GALNTL6: variants seen among roughly 807,000 people sequenced by gnomAD.
The protein encoded by GALNTL6 is polypeptide N-acetylgalactosaminyltransferase like 6.
In GALNTL6, 46 loss-of-function variants were observed where a neutral mutation model predicts 73.7. The ratio of observed to expected loss-of-function variants is 0.62; its 90% CI spans 0.49 to 0.80. GALNTL6 has a LOEUF of 0.80. Among genes scored for constraint, GALNTL6 ranks in the 30% least tolerant of loss-of-function variants. GALNTL6 has a pLI of 0.00. For missense variants in GALNTL6, 604 were observed against 755.0 expected, an observed-to-expected ratio of 0.80 and a Z score of 2.34; for synonymous variants, 259 against 263.7, an observed-to-expected ratio of 0.98 and a Z score of 0.17.
At chr4:172,495,940 C>A (rs1267683916) in intron 5 of GALNTL6, among the ~76,000 whole-genome samples, 1 of 152,192 alleles carries the variant, frequency 6.6e-6, no homozygotes, top group African/African-American at 2.4e-5. Context: ...AGGTGACTAT[C>A]CCTTATCAAA....
chr4:172,314,285 A>G (rs1015330722), intron 4 of GALNTL6, among the ~76,000 whole-genome samples: 24 of 152,308 alleles, frequency 1.6e-4, no homozygotes, highest in African/African-American at 4.8e-4. Context: ...CAGTAAGCCA[A>G]TTGAAACTAG....
chr4:171,960,828 G>A (rs1739200932), intron 2 of GALNTL6, among the ~76,000 whole-genome samples: 1 of 151,716 alleles, frequency 6.6e-6, no homozygotes, highest in Non-Finnish European at 1.5e-5. Flanking sequence ...AGCACCTAAG[G>A]TCTAGATGCA....
chr4:172,342,430 G>A (rs573241071), intron 4 of GALNTL6, among the ~76,000 whole-genome samples: 2 of 152,140 alleles, frequency 1.3e-5, no homozygotes, highest in Non-Finnish European at 2.9e-5. Context: ...AAACTTCTTA[G>A]TTCAGGAACA....
At chr4:172,922,158 G>A (rs533958428) in intron 8 of GALNTL6, among the ~76,000 whole-genome samples, 73 of 152,154 alleles carry the variant, frequency 4.8e-4, no homozygotes, top group Non-Finnish European at 7.2e-4. Context: ...TGCCACCACC[G>A]TGTAAGAACT....
rs149693242 is a variant in GALNTL6, at chr4:172,152,881, A to T, written c.139-76775A>T. Reference sequence around the variant, plus strand: ...CGCATCAGCCTCCCAAAGTGCTGGGATTACAGGCGTGAGCCACCGTGCCAG... The same window carrying T: ...CGCATCAGCCTCCCAAAGTGCTGGGTTTACAGGCGTGAGCCACCGTGCCAG... On this transcript the variant is annotated intron_variant, in intron 2 of 12. Coordinates refer to ENST00000506823, the MANE Select transcript of GALNTL6 (RefSeq NM_001034845.3). Among the ~76,000 whole-genome samples the T allele has an allele frequency of 5.1e-4, 77 of 152,292 alleles. 1 individual carries two copies. In the East Asian group the frequency reaches 0.014, roughly 28 times the overall value.
intron 2 of GALNTL6, among the ~76,000 whole-genome samples, chr4:172,129,839 G>A (rs776181763): frequency 6.6e-6 from 1 of 152,140 alleles, no homozygotes. Flanking sequence ...TACACAGTGG[G>A]CTCAGTTGAT....
At chr4:171,861,664 C>T (rs1057067646) in intron 2 of GALNTL6, among the ~76,000 whole-genome samples, 1 of 152,196 alleles carries the variant, frequency 6.6e-6, no homozygotes, top group East Asian at 1.9e-4. Context: ...GTGCCACTTA[C>T]CTATATTATT....
At chr4:172,065,948 G>A (rs34629867) in intron 2 of GALNTL6, among the ~76,000 whole-genome samples, 1 of 151,864 alleles carries the variant, frequency 6.6e-6, no homozygotes, top group African/African-American at 2.4e-5. Flanking sequence ...TCTCCACCTG[G>A]TCCCACCCTT....
chr4:172,153,653 G>A (rs1485682438), intron 2 of GALNTL6, among the ~76,000 whole-genome samples: 2 of 152,050 alleles, frequency 1.3e-5, no homozygotes, highest in South Asian at 2.1e-4. Flanking sequence ...GGTTTGTCAC[G>A]GTGCTTTGAT....
chr4:171,972,422 T>A (rs903799998), intron 2 of GALNTL6, among the ~76,000 whole-genome samples: 1 of 152,138 alleles, frequency 6.6e-6, no homozygotes, highest in Non-Finnish European at 1.5e-5. Flanking sequence ...TATTATGTTG[T>A]CCTAGGATTA....
chr4:172,444,871 A>G (rs1261384205), intron 5 of GALNTL6, among the ~76,000 whole-genome samples: 1 of 152,116 alleles, frequency 6.6e-6, no homozygotes, highest in Non-Finnish European at 1.5e-5. Context: ...AACTGAAGTA[A>G]GGACACCAAT....
At chr4:172,830,628 C>G (rs1187932902) in intron 7 of GALNTL6, among the ~76,000 whole-genome samples, 2 of 152,182 alleles carry the variant, frequency 1.3e-5, no homozygotes, top group East Asian at 1.9e-4. Flanking sequence ...GAAATAAACC[C>G]TAACTGTAAG....
chr4:172,952,821 T>A (rs1018740393), intron 10 of GALNTL6, among the ~76,000 whole-genome samples: 5 of 152,246 alleles, frequency 3.3e-5, no homozygotes, highest in Non-Finnish European at 4.4e-5. Context: ...TGGCCATAAA[T>A]TTTTAAAATA....
At chr4:172,745,188 T>C (rs937843334) in intron 5 of GALNTL6, among the ~76,000 whole-genome samples, 1 of 148,056 alleles carries the variant, frequency 6.8e-6, no homozygotes, top group Non-Finnish European at 1.5e-5. Context: ...GTAAAGATAG[T>C]AGACTGTAAA....
chr4:172,087,377 G>A (rs1433956916), intron 2 of GALNTL6, among the ~76,000 whole-genome samples: 5 of 150,656 alleles, frequency 3.3e-5, no homozygotes, highest in African/African-American at 7.3e-5. Context: ...CCCGGGAGGC[G>A]GAGCTTGCAG....
chr4:172,076,914 C>A (rs988681781), intron 2 of GALNTL6, among the ~76,000 whole-genome samples: 2 of 152,122 alleles, frequency 1.3e-5, no homozygotes, highest in Admixed American at 6.5e-5. Context: ...ATTATGAGGG[C>A]AAATTGCTAT....
At chr4:172,278,733 G>A (rs755127024) in intron 3 of GALNTL6, among the ~76,000 whole-genome samples, 12 of 152,044 alleles carry the variant, frequency 7.9e-5, no homozygotes, top group Non-Finnish European at 1.5e-4. Context: ...AGAATTCCAT[G>A]TTTCAAAAAA....
At chr4:172,879,005 A>G (rs941147748) in intron 7 of GALNTL6, among the ~76,000 whole-genome samples, 6 of 151,884 alleles carry the variant, frequency 4.0e-5, no homozygotes, top group Non-Finnish European at 8.9e-5. Flanking sequence ...AGTGAAGAAC[A>G]TTATTAGGGA....
chr4:172,617,275 C>A (rs1436994953), intron 5 of GALNTL6, among the ~76,000 whole-genome samples: 1 of 151,686 alleles, frequency 6.6e-6, no homozygotes, highest in East Asian at 1.9e-4. Context: ...ATAACAGCAT[C>A]TCAGGAATGA....
Sources: gnomAD v4.1 joint callset for allele counts (sites outside exome capture counted in the v4.1 genomes callset) on GRCh38, gnomAD v4.1.1 for gene constraint, MANE v1.5 for transcripts, NCBI Gene and HGNC (gene_info 2026-07-23, HGNC 2026-07-21) for gene names.